The following AP3B1 variants were observed in gnomAD, a reference collection of about 807,000 sequenced individuals.
AP3B1 encodes adaptor related protein complex 3 subunit beta 1.
In AP3B1, 61 loss-of-function variants were observed where a neutral mutation model predicts 132.5. That is an observed-to-expected ratio of 0.46 (90% CI 0.37 to 0.57). The LOEUF is 0.57. Among genes scored for constraint, AP3B1 ranks in the 20% least tolerant of loss-of-function variants. AP3B1 has a pLI of 0.00. For missense variants in AP3B1, 1,120 were observed against 1,289.4 expected (o/e 0.87, Z 2.01); for synonymous variants, 388 against 438.3 (o/e 0.89, Z 1.43).
intron 14 of AP3B1, among the ~76,000 whole-genome samples, chr5:78,143,644 C>G (rs1753249861): frequency 6.6e-6 from 1 of 152,016 alleles, no homozygotes; most frequent in Admixed American, 6.6e-5. Flanking sequence ...ATTTATACAC[C>G]ATTGACACTA....
intron 22 of AP3B1, among the ~76,000 whole-genome samples, chr5:78,076,856 C>T (rs944178617): frequency 6.6e-6 from 1 of 152,198 alleles, no homozygotes; most frequent in African/African-American, 2.4e-5. Context: ...AAAAGTTTCA[C>T]ATTTGGAACC....
intron 1 of AP3B1, among the ~76,000 whole-genome samples, chr5:78,287,866 A>T (rs13188053): frequency 0.23 from 35,125 of 152,100 alleles, 4,655 homozygotes; most frequent in Middle Eastern, 0.31. Context: ...ATAATAAACA[A>T]GACAGATCAG....
intron 3 of AP3B1, among the ~76,000 whole-genome samples, chr5:78,229,854 T>C (rs1746569289): frequency 6.6e-6 from 1 of 152,214 alleles, no homozygotes; most frequent in South Asian, 2.1e-4. Context: ...AAAACAGTAC[T>C]ATACTGGATC....
At chr5:78,170,263 T>G (rs1743855201) in intron 11 of AP3B1, among the ~76,000 whole-genome samples, 1 of 152,196 alleles carries the variant, frequency 6.6e-6, no homozygotes, top group African/African-American at 2.4e-5. Flanking sequence ...ATCCTTTGGG[T>G]ATATACTCAG....
At chr5:78,103,499 G>A (rs888354334) in intron 20 of AP3B1, among the ~76,000 whole-genome samples, 3 of 152,038 alleles carry the variant, frequency 2.0e-5, no homozygotes, top group African/African-American at 7.2e-5. Flanking sequence ...AACCATCATC[G>A]ACAAACCAAA....
At position 78,175,642 on chromosome 5, in the gene AP3B1, A is replaced by G. The variant is rs753784252; in HGVS notation, c.1151T>C (p.Met384Thr). 2.5e-6 allele frequency: 4 copies of G among 1,613,136 alleles called. No homozygotes were observed. In the South Asian group the frequency reaches 3.3e-5, roughly 13 times the overall value. ...CATACATACCTTCAGTGTCTTGATC[A>G]TAGTTGGATCAGTTGACCTAACATA... The part of the protein sequence containing the change: ...SFYVRSTDPT[M>T]IKTLKLEILT... The change falls in exon 11 of 27, where the codon ATG becomes ACG. Residue 384 changes from methionine (M) to threonine (T), a missense_variant. By Grantham distance (81) the Met-to-Thr change is moderately conservative (BLOSUM62 -1). Transcript: ENST00000255194.
intron 7 of AP3B1, among the ~76,000 whole-genome samples, chr5:78,199,561 T>C (rs1265187568): frequency 1.3e-5 from 2 of 152,122 alleles, no homozygotes; most frequent in African/African-American, 4.8e-5. Flanking sequence ...TCTCCATACC[T>C]TAATCTCTAA....
chr5:78,032,021 C>A (rs1034427356), intron 24 of AP3B1, among the ~76,000 whole-genome samples: 3 of 151,952 alleles, frequency 2.0e-5, no homozygotes, highest in Non-Finnish European at 4.4e-5. Context: ...ATGTATATTG[C>A]GCACATATTT....
In AP3B1 at chr5:78,227,437, T is replaced by G; in HGVS notation, c.471A>C (p.Glu157Asp). 6.2e-7 allele frequency: 1 copy of G among 1,613,766 alleles called. No homozygotes were observed. The highest frequency in any genetic ancestry group is 8.5e-7 in the Non-Finnish European group (1 of 1,179,786). ...CATATGGTGATAAGTCAGCAGAAGC[T>G]TCCTTAATAGCAAGCATCATGATAG... The part of the protein sequence containing the change: ...IVPIMMLAIK[E>D]ASADLSPYVR... The change falls in exon 5 of 27, where the codon GAA (glutamate) becomes GAC (aspartate). Residue 157 changes from glutamate to aspartate, a missense_variant. Around this residue, in one of 3 missense-constraint regions of AP3B1, gnomAD observed 129 missense variants for 212.4 expected, o/e 0.61. Transcript: ENST00000255194.
intron 6 of AP3B1, among the ~76,000 whole-genome samples, chr5:78,220,391 T>C (rs1746128425): frequency 6.6e-6 from 1 of 150,898 alleles, no homozygotes; most frequent in African/African-American, 2.4e-5. Context: ...AAACCTCAAA[T>C]TATATATAAG....
At position 78,162,912 on chromosome 5, in the gene AP3B1, T is replaced by C; in HGVS notation, c.1270A>G (p.Thr424Ala). ...KSQDKQFAAA[T>A]IQTIGRCATN... ...GCACATCTGCCTATAGTCTGAATAGTGGCTGCTGCAAATTGTTTATCCTGG... is the reference window on the plus strand; with the variant it reads ...GCACATCTGCCTATAGTCTGAATAGCGGCTGCTGCAAATTGTTTATCCTGG... The change falls in exon 13 of 27, where the codon ACT becomes GCT. Residue 424 changes from threonine (T) to alanine (A), a missense_variant. Around this residue, in one of 3 missense-constraint regions of AP3B1, gnomAD observed 906 missense variants for 997.1 expected, o/e 0.91. Coordinates refer to ENST00000255194, the MANE Select transcript of AP3B1 (RefSeq NM_003664.5). The C allele has an allele frequency of 6.2e-7, 1 of 1,613,946 alleles. No homozygotes were observed. The highest frequency in any genetic ancestry group is 8.5e-7 in the Non-Finnish European group (1 of 1,179,798).
At chr5:78,082,341 C>T (rs1403186129) in intron 22 of AP3B1, among the ~76,000 whole-genome samples, 2 of 152,088 alleles carry the variant, frequency 1.3e-5, no homozygotes, top group East Asian at 1.9e-4. Flanking sequence ...ACTTGTTCCA[C>T]GGCCATTGGA....
intron 1 of AP3B1, among the ~76,000 whole-genome samples, chr5:78,284,816 A>G (rs1443731895): frequency 3.3e-5 from 5 of 152,164 alleles, no homozygotes; most frequent in Admixed American, 2.6e-4. Context: ...CTAATGCATC[A>G]TCTATTTTCT....
intron 9 of AP3B1, 109 bp from the exon 10 acceptor site, chr5:78,175,947 T>G: frequency 1.1e-6 from 1 of 880,408 alleles, no homozygotes; most frequent in South Asian, 1.4e-5. Context: ...TGAATGAGAC[T>G]CTTAAATGTA....
chr5:78,140,798 C>T (rs1753113250), intron 15 of AP3B1, among the ~76,000 whole-genome samples: 1 of 152,206 alleles, frequency 6.6e-6, no homozygotes, highest in Non-Finnish European at 1.5e-5. Flanking sequence ...TCTTTCTGTA[C>T]AGTAAACCAC....
At chr5:78,086,860 G>A (rs918078235) in intron 22 of AP3B1, among the ~76,000 whole-genome samples, 2 of 151,460 alleles carry the variant, frequency 1.3e-5, no homozygotes, top group Admixed American at 1.3e-4. Context: ...TTTTTCTTTG[G>A]CAAGATTTTA....
intron 14 of AP3B1, among the ~76,000 whole-genome samples, chr5:78,142,938 T>C (rs1328382911): frequency 6.6e-6 from 1 of 152,098 alleles, no homozygotes. Flanking sequence ...TTACTCCCAA[T>C]CTATTATTTT....
intron 17 of AP3B1, among the ~76,000 whole-genome samples, chr5:78,124,222 T>C (rs1474426030): frequency 6.6e-6 from 1 of 152,108 alleles, no homozygotes; most frequent in East Asian, 1.9e-4. Context: ...TGGGGAGGGA[T>C]AGCATTTGGA....
chr5:78,145,773 C>T (rs1342411371), intron 14 of AP3B1, among the ~76,000 whole-genome samples: 1 of 152,160 alleles, frequency 6.6e-6, no homozygotes, highest in East Asian at 1.9e-4. Flanking sequence ...TTCCCACACC[C>T]GTGTATAGTG....
Sources: gnomAD v4.1 joint callset for allele counts (sites outside exome capture counted in the v4.1 genomes callset) on GRCh38, gnomAD v4.1.1 for gene constraint, gnomAD v4.1.1 regional missense constraint, MANE v1.5 for transcripts, NCBI Gene and HGNC (gene_info 2026-07-23, HGNC 2026-07-21) for gene names.